Variants in ZNF385D observed in about 807,000 individuals in gnomAD.
ZNF385D encodes zinc finger protein 385D.
A neutral mutation model predicts 35.8 loss-of-function variants in ZNF385D; 15 were observed. The ratio of observed to expected loss-of-function variants is 0.42; its 90% CI spans 0.28 to 0.64. ZNF385D has a LOEUF of 0.64. Ranked by LOEUF, ZNF385D falls within the 30% of genes least tolerant of loss-of-function variation. The pLI, the probability that ZNF385D is intolerant of heterozygous loss-of-function variation, is 0.23. For missense variants in ZNF385D, 474 were observed against 494.6 expected (o/e 0.96, Z 0.39); for synonymous variants, 212 against 186.8 (o/e 1.13, Z -1.10).
chr3:22,368,765 C>T (rs1374112161), intron 2 of ZNF385D, among the ~76,000 whole-genome samples: 1 of 152,172 alleles, frequency 6.6e-6, no homozygotes, highest in Non-Finnish European at 1.5e-5. Flanking sequence ...AAGGCTTCAC[C>T]TCAAATACTA....
At chr3:21,609,263 G>C (rs1195918197) in intron 2 of ZNF385D, among the ~76,000 whole-genome samples, 2 of 152,158 alleles carry the variant, frequency 1.3e-5, no homozygotes, top group African/African-American at 4.8e-5. Context: ...CGCCAACTGA[G>C]CTAAATAATT....
intron 2 of ZNF385D, among the ~76,000 whole-genome samples, chr3:22,277,902 T>C (rs1701512720): frequency 6.6e-6 from 1 of 152,056 alleles, no homozygotes; most frequent in Non-Finnish European, 1.5e-5. Context: ...TTAAAGAACA[T>C]TGTGGATAAA....
At chr3:21,945,763 T>G (rs1261823262) in intron 3 of ZNF385D, among the ~76,000 whole-genome samples, 2 of 152,224 alleles carry the variant, frequency 1.3e-5, no homozygotes, top group Non-Finnish European at 2.9e-5. Context: ...ATTACCTAAC[T>G]TTGTGAAATG....
intron 1 of ZNF385D, among the ~76,000 whole-genome samples, chr3:21,726,190 A>G (rs936078308): frequency 3.3e-5 from 5 of 152,152 alleles, no homozygotes; most frequent in African/African-American, 1.2e-4. Flanking sequence ...AAATAATAAG[A>G]GCTATTTATG....
intron 3 of ZNF385D, among the ~76,000 whole-genome samples, chr3:21,938,995 A>G (rs894629618): frequency 1.2e-4 from 19 of 152,282 alleles, no homozygotes; most frequent in Admixed American, 5.2e-4. Flanking sequence ...GCTTCCTGGT[A>G]TCTGGAATTT....
At chr3:21,478,930 G>T (rs1704417596) in intron 4 of ZNF385D, among the ~76,000 whole-genome samples, 1 of 151,846 alleles carries the variant, frequency 6.6e-6, no homozygotes, top group African/African-American at 2.4e-5. Flanking sequence ...AAATGTTTAG[G>T]TCATATAAGT....
intron 2 of ZNF385D, among the ~76,000 whole-genome samples, chr3:21,658,731 C>A (rs574934984): frequency 6.6e-6 from 1 of 152,032 alleles, no homozygotes; most frequent in African/African-American, 2.4e-5. Context: ...AAACCTTAAC[C>A]TTTACCATAT....
chr3:21,887,443 G>C (rs988990449), intron 3 of ZNF385D, among the ~76,000 whole-genome samples: 9 of 152,144 alleles, frequency 5.9e-5, no homozygotes, highest in Non-Finnish European at 8.8e-5. Context: ...ACTAAAATCT[G>C]AATGTTTTCT....
At chr3:21,842,776 T>C (rs537697714) in intron 3 of ZNF385D, among the ~76,000 whole-genome samples, 1 of 152,090 alleles carries the variant, frequency 6.6e-6, no homozygotes, top group Non-Finnish European at 1.5e-5. Flanking sequence ...ATTCTACCTT[T>C]GATTTGCTAT....
intron 1 of ZNF385D, among the ~76,000 whole-genome samples, chr3:21,726,720 C>G (rs995038686): frequency 5.9e-5 from 9 of 152,104 alleles, no homozygotes; most frequent in Admixed American, 1.3e-4. Context: ...TAGGAAGAAC[C>G]AATATCGTGA....
At chr3:21,711,691 T>C (rs1213342167) in intron 1 of ZNF385D, among the ~76,000 whole-genome samples, 1 of 152,232 alleles carries the variant, frequency 6.6e-6, no homozygotes, top group Non-Finnish European at 1.5e-5. Context: ...TGGATGTTTA[T>C]TTTTATTTTT....
In ZNF385D at chr3:21,938,029, G is replaced by T. The variant is rs112233622; in HGVS notation, c.325+230788C>A. On this transcript the variant is annotated intron_variant, in intron 3 of 5. Transcript: ENST00000494108. ...ATATAACACAGTGCGAAATCTCTAC[G>T]TAACAAAGGAGGTCCAAATTTTTAT... Among the ~76,000 whole-genome samples the T allele has an allele frequency of 6.5e-3, 990 of 152,260 alleles. 12 individuals carry two copies. The highest frequency in any genetic ancestry group is 0.022 in the African/African-American group (906 of 41,554).
chr3:21,681,020 T>C (rs1388495249), intron 1 of ZNF385D, among the ~76,000 whole-genome samples: 1 of 152,070 alleles, frequency 6.6e-6, no homozygotes, highest in East Asian at 1.9e-4. Flanking sequence ...TAAAATGTTG[T>C]CTTCCATTGA....
chr3:22,092,500 T>C (rs888336818), intron 3 of ZNF385D, among the ~76,000 whole-genome samples: 3 of 152,150 alleles, frequency 2.0e-5, no homozygotes, highest in African/African-American at 7.2e-5. Flanking sequence ...GATATCTTCC[T>C]GAGTACTTTG....
intron 3 of ZNF385D, among the ~76,000 whole-genome samples, chr3:21,807,852 T>C (rs952440609): frequency 2.6e-5 from 4 of 152,226 alleles, no homozygotes; most frequent in African/African-American, 4.8e-5. Context: ...TGGAGTGTCA[T>C]AGTTACCTAG....
chr3:22,221,912 T>C (rs899041112), intron 2 of ZNF385D, among the ~76,000 whole-genome samples: 3 of 152,122 alleles, frequency 2.0e-5, no homozygotes, highest in African/African-American at 7.2e-5. Context: ...AGTGAATGCA[T>C]ACAGAGAAAC....
intron 2 of ZNF385D, among the ~76,000 whole-genome samples, chr3:22,196,759 T>G (rs1696449355): frequency 6.6e-6 from 1 of 152,014 alleles, no homozygotes; most frequent in Non-Finnish European, 1.5e-5. Context: ...TTGTTGTCAT[T>G]TTAAAGTTAT....
chr3:21,886,716 T>A (rs1001356658), intron 3 of ZNF385D, among the ~76,000 whole-genome samples: 1 of 152,140 alleles, frequency 6.6e-6, no homozygotes, highest in Non-Finnish European at 1.5e-5. Context: ...CTAGTCAACA[T>A]TTGCCAAAGA....
chr3:21,462,089 C>G (rs1367784263), intron 4 of ZNF385D, among the ~76,000 whole-genome samples: 1 of 152,180 alleles, frequency 6.6e-6, no homozygotes, highest in African/African-American at 2.4e-5. Flanking sequence ...ACATCATCAT[C>G]ATGTTCAGTA....
Sources: gnomAD v4.1 joint callset for allele counts (sites outside exome capture counted in the v4.1 genomes callset) on GRCh38, gnomAD v4.1.1 for gene constraint, MANE v1.5 for transcripts, NCBI Gene and HGNC (gene_info 2026-07-23, HGNC 2026-07-21) for gene names.